The following POLN variants were observed in gnomAD, a reference collection of about 807,000 sequenced individuals.
POLN encodes the protein DNA polymerase nu.
In POLN, 108 loss-of-function variants were observed where a neutral mutation model predicts 113.5. That is an observed-to-expected ratio of 0.95 (90% CI 0.81 to 1.12). POLN has a LOEUF of 1.12. POLN is among the 50% of genes most tolerant of loss of function. The probability of loss-of-function intolerance (pLI) is 0.00; values close to 1 mark genes in which losing one functional copy is unlikely to be tolerated. For missense variants in POLN, 1,097 were observed against 1,077.1 expected (o/e 1.02, Z -0.26); for synonymous variants, 386 against 391.5 (o/e 0.99, Z 0.17).
chr4:2,131,093 G>A (rs567149034), intron 17 of POLN, 140 bp downstream of exon 17: 1 of 567,678 alleles, frequency 1.8e-6, no homozygotes, highest in East Asian at 3.2e-5. Flanking sequence ...ATTGAGGTGG[G>A]AGAATCACCT....
chr4:2,161,129 C>G (rs1346370698), intron 13 of POLN, among the ~76,000 whole-genome samples: 2 of 152,356 alleles, frequency 1.3e-5, no homozygotes, highest in Admixed American at 6.5e-5. Flanking sequence ...AGCCCTCCCT[C>G]GCTCTCGGCG....
In POLN at chr4:2,127,315, C is replaced by T. The variant is rs1224142747; in HGVS notation, c.1982+798G>A. 6.6e-6 allele frequency among the ~76,000 whole-genome samples: 1 copy of T among 152,110 alleles called. No homozygotes were observed. Among genetic ancestry groups the T allele is most frequent in the Non-Finnish European group, 1.5e-5 (1 of 68,018 alleles). On this transcript the variant is annotated intron_variant, in intron 19 of 25. Transcript: ENST00000511885. This position sits in a 1 kb window ranked among gnomAD's most constrained non-coding sequence, Gnocchi z 4.7. ...CTTCCTCAAAGGGGCACTGATGCAC[C>T]CGGCCCGGTGAACACCTGTGATGTA... is the stretch of plus-strand genomic sequence containing the variant.
intron 8 of POLN, among the ~76,000 whole-genome samples, 157 bp from the exon 9 acceptor site, chr4:2,176,491 T>A (rs933012289): frequency 1.3e-5 from 2 of 152,322 alleles, no homozygotes; most frequent in Admixed American, 1.3e-4. Context: ...ACCAAACACC[T>A]CGACTAGACA....
At chr4:2,124,708 C>G (rs981963180) in intron 19 of POLN, among the ~76,000 whole-genome samples, 2 of 152,142 alleles carry the variant, frequency 1.3e-5, no homozygotes, top group Admixed American at 1.3e-4. Flanking sequence ...AGCACCGGGA[C>G]AGGCAGGGCC....
At chr4:2,091,530 T>C (rs574316) in intron 20 of POLN, among the ~76,000 whole-genome samples, 127,970 of 152,012 alleles carry the variant, frequency 0.84, 54,449 homozygotes, top group Non-Finnish European at 0.9. Context: ...CCAAGCAGGA[T>C]GGCTTTTGGC....
intron 16 of POLN, among the ~76,000 whole-genome samples, chr4:2,137,144 A>G (rs1332891517): frequency 6.6e-6 from 1 of 152,240 alleles, no homozygotes; most frequent in Non-Finnish European, 1.5e-5. Flanking sequence ...AATGAGTAAG[A>G]CGAAAAATAA....
intron 13 of POLN, among the ~76,000 whole-genome samples, chr4:2,166,061 G>A (rs769824052): frequency 2.0e-5 from 3 of 152,196 alleles, no homozygotes; most frequent in Admixed American, 2.0e-4. Context: ...ATAGGTGTGA[G>A]CCACCATACA....
At chr4:2,080,913 T>C (rs1423817803) in intron 23 of POLN, 45 bp downstream of exon 23, 1 of 1,613,122 alleles carries the variant, frequency 6.2e-7, no homozygotes, top group African/African-American at 1.3e-5. Flanking sequence ...TCCCACAGAA[T>C]ACTAACCCTC....
At chr4:2,079,464 G>A (rs1730352467) in intron 23 of POLN, 1 of 985,604 alleles carries the variant, frequency 1.0e-6, no homozygotes, top group Non-Finnish European at 1.2e-6. Flanking sequence ...TGTGTGCATG[G>A]GTTGTATGCA....
chr4:2,097,810 T>C (rs62288001), intron 19 of POLN, among the ~76,000 whole-genome samples: 1 of 152,232 alleles, frequency 6.6e-6, no homozygotes, highest in African/African-American at 2.4e-5. Flanking sequence ...ATACCCCACC[T>C]GCCTTTTTCT....
chr4:2,088,997 T>C, intron 20 of POLN: 1 of 871,948 alleles, frequency 1.1e-6, no homozygotes, highest in Admixed American at 2.1e-5. Flanking sequence ...ACAGCCTTTA[T>C]TGTTTTTCTC....
At chr4:2,209,383 G>A (rs1733934150) in intron 4 of POLN, among the ~76,000 whole-genome samples, 1 of 151,278 alleles carries the variant, frequency 6.6e-6, no homozygotes, top group African/African-American at 2.4e-5. Context: ...AGGAGGCTGA[G>A]GCAGAGAATC....
chr4:2,195,485 C>CTT (rs59469569), intron 6 of POLN, among the ~76,000 whole-genome samples: 9 of 125,918 alleles, frequency 7.1e-5, no homozygotes, highest in African/African-American at 1.4e-4. Context: ...CTTGGTAATT[C>CTT]TTTTTTTTTT....
chr4:2,099,085 T>C (rs1337841982), intron 19 of POLN, among the ~76,000 whole-genome samples: 1 of 152,230 alleles, frequency 6.6e-6, no homozygotes, highest in Admixed American at 6.5e-5. Context: ...CATGAATCCA[T>C]ACGAATTTGG....
chr4:2,240,687 G>T, intron 2 of POLN: 1 of 1,613,966 alleles, frequency 6.2e-7, no homozygotes, highest in Non-Finnish European at 8.5e-7. Context: ...CTTCAAATCA[G>T]AAGTTTTACA....
At chr4:2,187,974 G>C (rs1733321640) in intron 7 of POLN, among the ~76,000 whole-genome samples, 1 of 151,976 alleles carries the variant, frequency 6.6e-6, no homozygotes. Context: ...AAATTATCTG[G>C]GTGTGGTAGA....
intron 19 of POLN, among the ~76,000 whole-genome samples, chr4:2,119,957 G>A (rs982855115): frequency 6.6e-6 from 1 of 152,210 alleles, no homozygotes; most frequent in Non-Finnish European, 1.5e-5. Flanking sequence ...TATATTCAAT[G>A]TAGATATGAA....
At chr4:2,110,555 G>A (rs1027520242) in intron 19 of POLN, among the ~76,000 whole-genome samples, 1 of 152,002 alleles carries the variant, frequency 6.6e-6, no homozygotes, top group Admixed American at 6.6e-5. Context: ...TGACAAAGGG[G>A]ATATCACCAC....
chr4:2,097,717 T>A (rs1297762350), intron 19 of POLN, among the ~76,000 whole-genome samples: 1 of 152,214 alleles, frequency 6.6e-6, no homozygotes, highest in East Asian at 1.9e-4. Flanking sequence ...TTCCCCAGAC[T>A]GGTCTTGAAC....
Sources: allele counts gnomAD v4.1 joint callset (sites outside exome capture counted in the v4.1 genomes callset), GRCh38; gene constraint gnomAD v4.1.1; non-coding constraint Gnocchi (gnomAD v3.1); transcripts MANE v1.5; gene names NCBI Gene and HGNC (gene_info 2026-07-23, HGNC 2026-07-21).